Variants in FCRL2 observed in about 807,000 individuals in gnomAD.
FCRL2 encodes the protein Fc receptor like 2.
A neutral mutation model predicts 59.8 loss-of-function variants in FCRL2; 48 were observed. The observed-to-expected ratio is 0.80, with a 90% confidence interval of 0.64 to 1.02. The LOEUF (loss-of-function observed/expected upper bound fraction) is 1.02, where lower values mean the gene tolerates loss of function less well. Among genes scored for constraint, FCRL2 ranks in the 50% least tolerant of loss-of-function variants. The pLI is 0.00. For missense variants in FCRL2, 658 were observed against 597.3 expected (o/e 1.10, Z -1.06); for synonymous variants, 251 against 229.5 (o/e 1.09, Z -0.85).
chr1:157,749,506 G>C (rs546237441), intron 8 of FCRL2, 144 bp downstream of exon 8: 1 of 574,158 alleles, frequency 1.7e-6, no homozygotes, highest in African/African-American at 1.8e-5. Flanking sequence ...ATGTAATGCA[G>C]TAGAGACAAG....
chr1:157,762,012 G>C (rs1649137923), intron 7 of FCRL2, among the ~76,000 whole-genome samples: 1 of 152,166 alleles, frequency 6.6e-6, no homozygotes, highest in South Asian at 2.1e-4. Context: ...GAATTGCTGA[G>C]AAAAGAGAGC....
chr1:157,755,188 G>A (rs1240316852), intron 7 of FCRL2, among the ~76,000 whole-genome samples: 2 of 152,104 alleles, frequency 1.3e-5, no homozygotes, highest in East Asian at 3.9e-4. Context: ...CAGACAAAGA[G>A]CTAATACATT....
At chr1:157,753,377 C>A (rs1336800480) in intron 7 of FCRL2, among the ~76,000 whole-genome samples, 1 of 152,194 alleles carries the variant, frequency 6.6e-6, no homozygotes, top group Non-Finnish European at 1.5e-5. Context: ...AGGACTCTTT[C>A]CTCAGTTTCA....
chr1:157,766,790 T>C (rs1649526767), intron 7 of FCRL2, 65 bp downstream of exon 7: 7 of 1,579,622 alleles, frequency 4.4e-6, no homozygotes, highest in Non-Finnish European at 6.0e-6. Context: ...TTTTTGTAAT[T>C]TCAATCTATA....
intron 4 of FCRL2, 105 bp from the exon 5 acceptor site, chr1:157,768,806 A>T: frequency 8.9e-7 from 1 of 1,117,432 alleles, no homozygotes; most frequent in Non-Finnish European, 1.3e-6. Context: ...TGGAGATTGT[A>T]TAGATAATCC....
chr1:157,770,280 T>A, intron 3 of FCRL2, 129 bp downstream of exon 3: 1 of 1,448,776 alleles, frequency 6.9e-7, no homozygotes, highest in Non-Finnish European at 9.4e-7. Context: ...TCATGGCTCC[T>A]TTGATGATCA....
At chr1:157,750,525 T>G (rs1458530560) in intron 7 of FCRL2, among the ~76,000 whole-genome samples, 3 of 152,074 alleles carry the variant, frequency 2.0e-5, no homozygotes, top group African/African-American at 7.2e-5. Flanking sequence ...GTGGTCAAAG[T>G]CCTCCCAGTG....
intron 7 of FCRL2, among the ~76,000 whole-genome samples, chr1:157,762,532 A>G (rs1476139544): frequency 6.6e-6 from 1 of 152,234 alleles, no homozygotes; most frequent in Non-Finnish European, 1.5e-5. Context: ...ATTTAATAAA[A>G]TAATAGATGA....
intron 4 of FCRL2, chr1:157,769,237 C>G (rs1050905328): frequency 2.6e-5 from 4 of 155,634 alleles, no homozygotes; most frequent in Non-Finnish European, 4.3e-5. Flanking sequence ...AGCCATTAGA[C>G]AGCAGGTGGT....
chr1:157,754,047 G>A (rs56938347), intron 7 of FCRL2, among the ~76,000 whole-genome samples: 22,657 of 152,050 alleles, frequency 0.15, 1,738 homozygotes, highest in East Asian at 0.23. Flanking sequence ...TTCTAGTTCA[G>A]TACCTATTGA....
intron 7 of FCRL2, among the ~76,000 whole-genome samples, chr1:157,763,758 C>A (rs1026753289): frequency 6.6e-6 from 1 of 152,014 alleles, no homozygotes; most frequent in South Asian, 2.1e-4. Flanking sequence ...AGGCTGGGCA[C>A]GGTGGCTCAT....
rs370534946 is a variant in FCRL2 at position 157,770,146 on chromosome 1, G to T, written c.315C>A (p.Leu105=). The T allele has an allele frequency of 1.1e-5, 17 of 1,612,540 alleles. No individual in the cohort carries two copies. In the African/African-American group the frequency reaches 2.3e-4, roughly 22 times the overall value. Residue 105 remains leucine (L), a synonymous_variant, in exon 4 of 12, where the codon CTC becomes CTA. Coordinates refer to ENST00000361516, the MANE Select transcript of FCRL2 (RefSeq NM_030764.4). ...SNIVKIKVQE[L]FQRPVLTASS... is the part of the protein sequence containing the mutation. ...TGGCAGTCAGCACAGGACGTTGAAAGAGCTCTAGAGAGAAGGATCACAATA... is the reference window on the plus strand; with the variant it reads ...TGGCAGTCAGCACAGGACGTTGAAATAGCTCTAGAGAGAAGGATCACAATA...
At position 157,752,017 on chromosome 1, in the gene FCRL2, GCA is replaced by G. The variant is rs544994369; in HGVS notation, c.1280-2342_1280-2341del. On this transcript the variant is annotated intron_variant, in intron 7 of 11. Transcript: ENST00000361516. ...ATCTGGCCAGAACCCTTTCCATATTGCAGAAGGCTGGCCTGAAGAGGGTCTGA... is the reference window on the plus strand; with the variant it reads ...ATCTGGCCAGAACCCTTTCCATATTGGAAGGCTGGCCTGAAGAGGGTCTGA... 2.6e-5 allele frequency among the ~76,000 whole-genome samples: 4 copies of G among 152,368 alleles called. No individual in the cohort carries two copies. The South Asian group carries it at 8.3e-4, about 32-fold the overall frequency.
intron 4 of FCRL2, chr1:157,769,320 A>G (rs1156680438): frequency 6.4e-6 from 1 of 156,980 alleles, no homozygotes; most frequent in African/African-American, 2.4e-5. Context: ...GTCTTGATCA[A>G]TGAATATTAC....
chr1:157,748,478 A>AAATG (rs1647928241), intron 10 of FCRL2, 75 bp downstream of exon 10: 2 of 686,100 alleles, frequency 2.9e-6, no homozygotes. Flanking sequence ...ATAAATAAAT[A>AAATG]AAGCCTCTAT....
At chr1:157,758,799 C>T (rs547718863) in intron 7 of FCRL2, among the ~76,000 whole-genome samples, 37 of 151,746 alleles carry the variant, frequency 2.4e-4, no homozygotes, top group Middle Eastern at 6.8e-3. Context: ...ACCATCTGAT[C>T]TTCTACAAAG....
At chr1:157,749,784 G>C in intron 7 of FCRL2, 107 bp from the exon 8 acceptor site, 1 of 744,068 alleles carries the variant, frequency 1.3e-6, no homozygotes, top group Non-Finnish European at 2.2e-6. Context: ...ATAAGATATA[G>C]AAGAGTAATC....
chr1:157,769,830 C>CTTTTTTTTT, intron 4 of FCRL2, 36 bp downstream of exon 4: 1 of 1,599,580 alleles, frequency 6.3e-7, no homozygotes, highest in Admixed American at 1.7e-5. Flanking sequence ...ACACTCCTAT[C>CTTTTTTTTT]TTTTTTTCTC....
chr1:157,764,903 C>T (rs1649381730), intron 7 of FCRL2, among the ~76,000 whole-genome samples: 5 of 151,988 alleles, frequency 3.3e-5, no homozygotes, highest in African/African-American at 9.7e-5. Flanking sequence ...AATGAAGCAC[C>T]TCAAGGAACT....
Sources: gnomAD v4.1 joint callset for allele counts (sites outside exome capture counted in the v4.1 genomes callset) on GRCh38, gnomAD v4.1.1 for gene constraint, MANE v1.5 for transcripts, NCBI Gene and HGNC (gene_info 2026-07-23, HGNC 2026-07-21) for gene names.